EYA1: variants seen among roughly 807,000 people sequenced by gnomAD.
The protein encoded by EYA1 is protein phosphatase EYA1.
In EYA1, 16 loss-of-function variants were observed where a neutral mutation model predicts 82.0. The observed-to-expected ratio is 0.20, with a 90% confidence interval of 0.13 to 0.30. The LOEUF (loss-of-function observed/expected upper bound fraction) is 0.30, where lower values mean the gene tolerates loss of function less well. Ranked by LOEUF, EYA1 falls within the 10% of genes least tolerant of loss-of-function variation. The pLI, the probability that EYA1 is intolerant of heterozygous loss-of-function variation, is 1.00. For synonymous variants in EYA1, 261 were observed against 264.4 expected (o/e 0.99, Z 0.12); for missense variants, 633 against 730.7 (o/e 0.87, Z 1.54).
At chr8:71,217,456 A>C (rs1809352185) in intron 12 of EYA1, among the ~76,000 whole-genome samples, 1 of 152,198 alleles carries the variant, frequency 6.6e-6, no homozygotes, top group Non-Finnish European at 1.5e-5. Flanking sequence ...ATGACCTCTG[A>C]TTGCTGTTGA....
At chr8:71,294,894 T>A (rs1372188838) in intron 9 of EYA1, among the ~76,000 whole-genome samples, 2 of 152,052 alleles carry the variant, frequency 1.3e-5, no homozygotes, top group South Asian at 4.1e-4. Context: ...AATAGACAAA[T>A]GGATCAATGG....
At chr8:71,269,907 C>T (rs1397438207) in intron 10 of EYA1, 84 bp from the exon 11 acceptor site, 2 of 988,806 alleles carry the variant, frequency 2.0e-6, no homozygotes, top group East Asian at 4.8e-5. Flanking sequence ...AAAAAGTCAT[C>T]TTGAAACGGA....
At chr8:71,298,069 A>G (rs1192280654) in intron 9 of EYA1, among the ~76,000 whole-genome samples, 1 of 152,210 alleles carries the variant, frequency 6.6e-6, no homozygotes, top group East Asian at 1.9e-4. Context: ...GAAATCACCC[A>G]TTAATATTTA....
chr8:71,546,100 C>A (rs1563724399), intron 1 of EYA1, among the ~76,000 whole-genome samples: 1 of 152,140 alleles, frequency 6.6e-6, no homozygotes, highest in Non-Finnish European at 1.5e-5. Context: ...TCCAGATGCC[C>A]CTAGTGCCAA....
intron 2 of EYA1, among the ~76,000 whole-genome samples, chr8:71,435,510 A>G (rs964583265): frequency 6.6e-6 from 1 of 152,078 alleles, no homozygotes; most frequent in African/African-American, 2.4e-5. Flanking sequence ...AAAAATGTAT[A>G]TGGAAATGAT....
chr8:71,330,307 A>G (rs185547725), intron 4 of EYA1, among the ~76,000 whole-genome samples: 1 of 152,180 alleles, frequency 6.6e-6, no homozygotes, highest in East Asian at 1.9e-4. Context: ...TGGAAAAGTT[A>G]TTCCTTTTCT....
intron 9 of EYA1, among the ~76,000 whole-genome samples, chr8:71,293,386 A>T (rs1819214027): frequency 6.6e-6 from 1 of 152,154 alleles, no homozygotes; most frequent in Non-Finnish European, 1.5e-5. Flanking sequence ...ATTCTCTACA[A>T]TCTGTTCCAG....
intron 2 of EYA1, among the ~76,000 whole-genome samples, chr8:71,447,044 G>A (rs1412768192): frequency 4.0e-5 from 6 of 150,698 alleles, no homozygotes; most frequent in South Asian, 4.2e-4. Flanking sequence ...TGAAGTTAGC[G>A]GAACTGTCAT....
chr8:71,215,800 A>C (rs1809121659), intron 14 of EYA1, 72 bp from the exon 15 acceptor site: 1 of 987,630 alleles, frequency 1.0e-6, no homozygotes, highest in African/African-American at 1.6e-5. Context: ...AGTAATTAAC[A>C]TTTAAAAAGT....
chr8:71,255,394 C>G (rs959464524), intron 11 of EYA1, among the ~76,000 whole-genome samples: 1 of 152,146 alleles, frequency 6.6e-6, no homozygotes, highest in African/African-American at 2.4e-5. Flanking sequence ...GGCAAAAATA[C>G]AGATGTACAG....
At chr8:71,379,314 G>A (rs377732430) in intron 2 of EYA1, among the ~76,000 whole-genome samples, 1 of 151,908 alleles carries the variant, frequency 6.6e-6, no homozygotes, top group Non-Finnish European at 1.5e-5. Context: ...TCTCTACAGG[G>A]GCCACAGAGA....
In EYA1 at chr8:71,302,679, G is replaced by A. The variant is rs551072981; in HGVS notation, c.557-2959C>T. Among the ~76,000 whole-genome samples the A allele has an allele frequency of 1.1e-4, 16 of 141,678 alleles. 4 individuals are homozygous for A. The South Asian group carries it at 2.8e-3, about 24-fold the overall frequency. 92.9% of individuals were successfully genotyped at this position (141,678 alleles called of 152,430 possible). The stretch of plus-strand genomic sequence containing the variant: ...ATTTTTCACCACCAGAATCAAGTTC[G>A]CAGGGCCACTCCACCTGCCTTCACA... On this transcript the variant is annotated intron_variant, in intron 7 of 17. Coordinates refer to ENST00000340726, the MANE Select transcript of EYA1 (RefSeq NM_000503.6).
At chr8:71,406,241 A>G (rs1468456790) in intron 2 of EYA1, among the ~76,000 whole-genome samples, 2 of 152,242 alleles carry the variant, frequency 1.3e-5, no homozygotes, top group Non-Finnish European at 2.9e-5. Flanking sequence ...CAATGCATAG[A>G]CATTTTCATT....
chr8:71,228,624 T>C (rs528045174), intron 12 of EYA1, among the ~76,000 whole-genome samples: 48 of 152,360 alleles, frequency 3.2e-4, no homozygotes, highest in African/African-American at 9.6e-4. Flanking sequence ...GTGTGTTATA[T>C]ATTAAACTGT....
At chr8:71,322,071 T>C in intron 5 of EYA1, 128 bp downstream of exon 5, 1 of 1,087,338 alleles carries the variant, frequency 9.2e-7, no homozygotes, top group Non-Finnish European at 1.4e-6. Context: ...TGTATCAATA[T>C]GTTTACATCT....
At chr8:71,212,451 C>G (rs545944987) in intron 16 of EYA1, among the ~76,000 whole-genome samples, 2 of 152,164 alleles carry the variant, frequency 1.3e-5, no homozygotes, top group Non-Finnish European at 2.9e-5. Context: ...TTTTTTCTCT[C>G]CTTACGGGGA....
intron 9 of EYA1, among the ~76,000 whole-genome samples, chr8:71,274,928 G>GAGCGAGAGCACGAGAGCA (rs57341151): frequency 0.38 from 57,051 of 151,822 alleles, 11,208 homozygotes; most frequent in East Asian, 0.7. Context: ...GAGAGAATGA[G>GAGCGAGAGCACGAGAGCA]AGCGAGTGAA....
intron 2 of EYA1, among the ~76,000 whole-genome samples, chr8:71,449,890 C>A (rs1335745672): frequency 6.6e-6 from 1 of 152,208 alleles, no homozygotes; most frequent in Admixed American, 6.5e-5. Context: ...CTTACTGCAT[C>A]TTCTGCTGAG....
intron 3 of EYA1, among the ~76,000 whole-genome samples, chr8:71,350,640 A>C (rs1826211192): frequency 6.6e-6 from 1 of 152,138 alleles, no homozygotes; most frequent in Non-Finnish European, 1.5e-5. Flanking sequence ...TATCAGTTTC[A>C]AGACAAGTTT....
Sources: gnomAD v4.1 joint callset for allele counts (sites outside exome capture counted in the v4.1 genomes callset) on GRCh38, gnomAD v4.1.1 for gene constraint, MANE v1.5 for transcripts, NCBI Gene and HGNC (gene_info 2026-07-23, HGNC 2026-07-21) for gene names.